Variants in RALYL observed in about 807,000 individuals in gnomAD.
RALYL encodes RALY RNA binding protein like, also known as RNA-binding Raly-like protein.
In RALYL, 29 loss-of-function variants were observed where a neutral mutation model predicts 35.1. The observed-to-expected ratio is 0.83, with a 90% CI of 0.61 to 1.13. The LOEUF (loss-of-function observed/expected upper bound fraction) is 1.13, where lower values mean the gene tolerates loss of function less well. Ranked by LOEUF, RALYL falls within the 50% of genes most tolerant of loss-of-function variation. RALYL has a pLI of 0.00. For synonymous variants in RALYL, 120 were observed against 127.6 expected, an observed-to-expected ratio of 0.94 and a Z score of 0.40; for missense variants, 359 against 360.4, an observed-to-expected ratio of 1.00 and a Z score of 0.03.
At chr8:84,311,864 A>G (rs780467391) in intron 1 of RALYL, among the ~76,000 whole-genome samples, 4 of 152,300 alleles carry the variant, frequency 2.6e-5, no homozygotes, top group East Asian at 3.9e-4. Context: ...CAGAAATAGA[A>G]CAAATACATC....
intron 2 of RALYL, among the ~76,000 whole-genome samples, chr8:84,743,547 C>T (rs142271814): frequency 7.2e-4 from 109 of 152,064 alleles, no homozygotes; most frequent in African/African-American, 2.6e-3. Context: ...ATTTTATTCA[C>T]AGCTAGGGAG....
At chr8:84,560,757 C>T (rs1282191597) in intron 2 of RALYL, among the ~76,000 whole-genome samples, 1 of 151,796 alleles carries the variant, frequency 6.6e-6, no homozygotes, top group Non-Finnish European at 1.5e-5. Context: ...GGGTTGACCA[C>T]CGCAGAGAGG....
chr8:84,720,672 C>A (rs1389223689), intron 2 of RALYL, among the ~76,000 whole-genome samples: 1 of 151,748 alleles, frequency 6.6e-6, no homozygotes, highest in Non-Finnish European at 1.5e-5. Context: ...TTCTGCACAG[C>A]AAAGGAAACA....
intron 1 of RALYL, among the ~76,000 whole-genome samples, chr8:84,454,760 A>G (rs2049943030): frequency 6.6e-6 from 1 of 152,206 alleles, no homozygotes; most frequent in Admixed American, 6.6e-5. Context: ...CCCACAATAG[A>G]GTCACAACTT....
intron 6 of RALYL, 107 bp downstream of exon 6, chr8:84,862,560 G>A: frequency 1.1e-6 from 1 of 872,508 alleles, no homozygotes. Flanking sequence ...TGAAGGACCT[G>A]CTATGTATAA....
At chr8:84,864,683 C>T (rs1010412110) in intron 6 of RALYL, 1 of 438,198 alleles carries the variant, frequency 2.3e-6, no homozygotes, top group Non-Finnish European at 4.3e-6. Flanking sequence ...GAGAGACAGG[C>T]AAGCCATAGG....
chr8:84,368,435 T>G (rs986389190), intron 1 of RALYL, among the ~76,000 whole-genome samples: 1 of 152,168 alleles, frequency 6.6e-6, no homozygotes, highest in Non-Finnish European at 1.5e-5. Context: ...GCATATACCA[T>G]GTTTTACGCA....
At chr8:84,497,254 C>T (rs1441382531) in intron 1 of RALYL, among the ~76,000 whole-genome samples, 1 of 152,174 alleles carries the variant, frequency 6.6e-6, no homozygotes, top group African/African-American at 2.4e-5. Flanking sequence ...GAGAGGAAAT[C>T]TGCAAGGTCT....
At chr8:84,596,466 C>T (rs952520584) in intron 2 of RALYL, among the ~76,000 whole-genome samples, 1 of 152,096 alleles carries the variant, frequency 6.6e-6, no homozygotes, top group African/African-American at 2.4e-5. Context: ...TTAAGAGAAA[C>T]CATCTTGTCC....
At chr8:84,275,982 C>T (rs1026808569) in intron 1 of RALYL, among the ~76,000 whole-genome samples, 1 of 152,006 alleles carries the variant, frequency 6.6e-6, no homozygotes, top group African/African-American at 2.4e-5. Flanking sequence ...TTCATCTAAC[C>T]AGTCTGCACT....
intron 2 of RALYL, among the ~76,000 whole-genome samples, chr8:84,626,291 G>A (rs1184728718): frequency 6.6e-6 from 1 of 152,146 alleles, no homozygotes; most frequent in Non-Finnish European, 1.5e-5. Flanking sequence ...CGGCATTTGT[G>A]CGCCTGCATT....
At chr8:84,356,891 T>C (rs1179516422) in intron 1 of RALYL, among the ~76,000 whole-genome samples, 1 of 136,758 alleles carries the variant, frequency 7.3e-6, no homozygotes, top group Non-Finnish European at 1.6e-5. Context: ...AATATATATA[T>C]AGAATAATAG....
chr8:84,377,451 GTTTTTTTTTTTTTT>G (rs369746268), intron 1 of RALYL, among the ~76,000 whole-genome samples: 1 of 83,720 alleles, frequency 1.2e-5, no homozygotes, highest in Non-Finnish European at 2.4e-5. Context: ...AAGGTTAACT[GTTTTTTTTTTTTTT>G]TTTTTTTTTT....
chr8:84,821,755 A>G (rs754861570), intron 4 of RALYL, among the ~76,000 whole-genome samples: 3 of 152,208 alleles, frequency 2.0e-5, no homozygotes, highest in South Asian at 2.1e-4. Flanking sequence ...CTATCATAGT[A>G]TAATCAATAG....
At position 84,607,326 on chromosome 8, in the gene RALYL, T is replaced by C. The variant is rs190713250; in HGVS notation, c.256+77749T>C. Among the ~76,000 whole-genome samples the C allele has an allele frequency of 5.9e-5, 9 of 152,200 alleles. No individual in the cohort carries two copies. In the East Asian group the frequency reaches 9.7e-4, roughly 16 times the overall value. On this transcript the variant is annotated intron_variant, in intron 2 of 8. Coordinates refer to ENST00000521268, the MANE Select transcript of RALYL (RefSeq NM_173848.7). ...TAATTTACAGTAATGCAATAATAAA[T>C]TTAGGATAATTTACAAAGGCAATTT...
intron 8 of RALYL, among the ~76,000 whole-genome samples, chr8:84,916,300 A>G (rs1472264074): frequency 6.6e-6 from 1 of 152,034 alleles, no homozygotes; most frequent in Non-Finnish European, 1.5e-5. Flanking sequence ...CTTCATAATT[A>G]GACATAGAAA....
chr8:84,446,871 G>T (rs1397242391), intron 1 of RALYL, among the ~76,000 whole-genome samples: 1 of 152,036 alleles, frequency 6.6e-6, no homozygotes, highest in African/African-American at 2.4e-5. Context: ...AAGGCCAAAA[G>T]CATTTTGGCA....
At chr8:84,817,971 C>G (rs563609579) in intron 4 of RALYL, among the ~76,000 whole-genome samples, 1 of 152,158 alleles carries the variant, frequency 6.6e-6, no homozygotes, top group Non-Finnish European at 1.5e-5. Flanking sequence ...AGTTGTAAAT[C>G]TTTTCTAAAG....
chr8:84,876,232 C>G lies in RALYL; in HGVS notation c.685+2835C>G, dbSNP rs370925395. On this transcript the variant is annotated intron_variant, in intron 7 of 8. Coordinates refer to ENST00000521268, the MANE Select transcript of RALYL (RefSeq NM_173848.7). ...GCACAACTTAGCAAGTCATTTAACT[C>G]TCTTAGGTCTCAAGTCTTTCAAATG... is the stretch of plus-strand genomic sequence containing the variant. Among the ~76,000 whole-genome samples, 137 of 152,300 alleles carry G rather than the reference C, an allele frequency of 9.0e-4. 3 individuals are homozygous for G. The highest frequency in any genetic ancestry group is 3.1e-3 in the African/African-American group (129 of 41,574).
Sources: gnomAD v4.1 joint callset for allele counts (sites outside exome capture counted in the v4.1 genomes callset) on GRCh38, gnomAD v4.1.1 for gene constraint, MANE v1.5 for transcripts, NCBI Gene and HGNC (gene_info 2026-07-23, HGNC 2026-07-21) for gene names.